The following TMEM108 variants were observed in gnomAD, a reference collection of about 807,000 sequenced individuals.
TMEM108 encodes cancer/testis antigen 124.
In TMEM108, 12 loss-of-function variants were observed where a neutral mutation model predicts 35.1. The ratio of observed to expected loss-of-function variants is 0.34; its 90% CI spans 0.22 to 0.55. TMEM108 has a LOEUF of 0.55. TMEM108 is among the 20% of genes least tolerant of loss of function. The pLI is 0.89. For synonymous variants in TMEM108, 287 were observed against 308.6 expected (o/e 0.93, Z 0.73); for missense variants, 680 against 753.3 (o/e 0.90, Z 1.14).
chr3:133,360,595 C>G (rs1307083053), intron 3 of TMEM108, among the ~76,000 whole-genome samples: 1 of 152,170 alleles, frequency 6.6e-6, no homozygotes, highest in African/African-American at 2.4e-5. Flanking sequence ...ACTAGTTCTG[C>G]AGAAGCAAAG....
chr3:133,070,072 A>T (rs778828616), intron 2 of TMEM108, among the ~76,000 whole-genome samples: 2 of 152,108 alleles, frequency 1.3e-5, no homozygotes, highest in Non-Finnish European at 1.5e-5. Flanking sequence ...GTCCATGAAG[A>T]CCCTAAACAG....
At chr3:133,328,922 C>G (rs563340624) in intron 3 of TMEM108, among the ~76,000 whole-genome samples, 210 of 152,246 alleles carry the variant, frequency 1.4e-3, no homozygotes, top group African/African-American at 4.8e-3. Context: ...ATTCACTGCT[C>G]TCTTTTCAGT....
chr3:133,238,885 A>G (rs557158706), intron 3 of TMEM108, among the ~76,000 whole-genome samples: 3 of 152,322 alleles, frequency 2.0e-5, no homozygotes, highest in Non-Finnish European at 4.4e-5. Flanking sequence ...CTGTATACAT[A>G]AGAGTCAGAG....
At chr3:133,100,142 A>G (rs774994080) in intron 2 of TMEM108, among the ~76,000 whole-genome samples, 3 of 152,192 alleles carry the variant, frequency 2.0e-5, no homozygotes, top group Non-Finnish European at 2.9e-5. Flanking sequence ...GCGGCGAGAG[A>G]AAAATGAGGA....
At chr3:133,334,154 G>A (rs1454531450) in intron 3 of TMEM108, among the ~76,000 whole-genome samples, 1 of 152,124 alleles carries the variant, frequency 6.6e-6, no homozygotes, top group East Asian at 1.9e-4. Context: ...TCTGCAAGTT[G>A]TTGAGTTAGA....
chr3:133,092,543 A>C (rs1046326683), intron 2 of TMEM108, among the ~76,000 whole-genome samples: 1 of 151,958 alleles, frequency 6.6e-6, no homozygotes. Context: ...TATTACTTTG[A>C]TTTTTAACCC....
chr3:133,370,871 AGT>A (rs71624013), intron 3 of TMEM108, among the ~76,000 whole-genome samples: 8,688 of 125,274 alleles, frequency 0.069, 312 homozygotes, highest in South Asian at 0.11. Context: ...CCCAGCCCAT[AGT>A]GTGTGTGTGT....
chr3:133,133,851 C>T (rs1409128875), intron 2 of TMEM108, among the ~76,000 whole-genome samples: 1 of 151,850 alleles, frequency 6.6e-6, no homozygotes, highest in Non-Finnish European at 1.5e-5. Flanking sequence ...GCAAACTCTG[C>T]CTCCCAGGTT....
chr3:133,340,557 C>G (rs1470820143), intron 3 of TMEM108, among the ~76,000 whole-genome samples: 1 of 151,618 alleles, frequency 6.6e-6, no homozygotes, highest in East Asian at 1.9e-4. Flanking sequence ...CTTCCGAACT[C>G]ATTCTATAAG....
intron 4 of TMEM108, 122 bp from the exon 5 acceptor site, chr3:133,390,058 C>T: frequency 8.3e-7 from 1 of 1,206,346 alleles, no homozygotes; most frequent in Non-Finnish European, 1.2e-6. Flanking sequence ...TTCACCATGC[C>T]CTGCCCCTTT....
At chr3:133,066,252 T>C (rs1367458795) in intron 2 of TMEM108, among the ~76,000 whole-genome samples, 1 of 152,142 alleles carries the variant, frequency 6.6e-6, no homozygotes, top group Non-Finnish European at 1.5e-5. Context: ...TATGAGCCTC[T>C]TTAGTGTTGT....
chr3:133,072,206 T>TCCC (rs1943684328), intron 2 of TMEM108, among the ~76,000 whole-genome samples: 1 of 152,114 alleles, frequency 6.6e-6, no homozygotes, highest in Non-Finnish European at 1.5e-5. Context: ...GGGAAAGAGA[T>TCCC]CCCTGCAAAT....
intron 3 of TMEM108, among the ~76,000 whole-genome samples, chr3:133,343,567 G>C (rs532879376): frequency 6.1e-4 from 92 of 151,990 alleles, no homozygotes; most frequent in Middle Eastern, 3.4e-3. Context: ...TTGCTGATTT[G>C]TGCAAAGACA....
intron 3 of TMEM108, among the ~76,000 whole-genome samples, chr3:133,372,703 T>C (rs2107819483): frequency 6.6e-6 from 1 of 152,370 alleles, no homozygotes; most frequent in South Asian, 2.1e-4. Flanking sequence ...CAGAGATGTC[T>C]GTAATCTACC....
intron 3 of TMEM108, among the ~76,000 whole-genome samples, chr3:133,335,832 G>A (rs1410042383): frequency 6.6e-6 from 1 of 152,146 alleles, no homozygotes; most frequent in Non-Finnish European, 1.5e-5. Flanking sequence ...CTGAATCACC[G>A]ATGGTACCCT....
At chr3:133,126,175 G>A (rs1944413308) in intron 2 of TMEM108, among the ~76,000 whole-genome samples, 1 of 151,938 alleles carries the variant, frequency 6.6e-6, no homozygotes, top group Non-Finnish European at 1.5e-5. Flanking sequence ...TTTTAAAAAA[G>A]TGATGTTCTG....
chr3:133,201,584 A>G (rs1256621482), intron 2 of TMEM108, among the ~76,000 whole-genome samples: 1 of 152,092 alleles, frequency 6.6e-6, no homozygotes. Flanking sequence ...GTTGGCTGAG[A>G]ATGATGGTTT....
intron 3 of TMEM108, among the ~76,000 whole-genome samples, chr3:133,267,666 G>A (rs1324354514): frequency 4.0e-5 from 6 of 150,718 alleles, no homozygotes; most frequent in African/African-American, 1.5e-4. Context: ...TATGATTATG[G>A]TTGTGGTCAA....
intron 3 of TMEM108, among the ~76,000 whole-genome samples, chr3:133,258,501 A>G (rs1347853912): frequency 7.2e-5 from 11 of 152,162 alleles, no homozygotes; most frequent in Non-Finnish European, 1.5e-4. Context: ...ATGGAAGTCC[A>G]AAGGAATTCC....
Sources: gnomAD v4.1 joint callset for allele counts (sites outside exome capture counted in the v4.1 genomes callset) on GRCh38, gnomAD v4.1.1 for gene constraint, MANE v1.5 for transcripts, NCBI Gene and HGNC (gene_info 2026-07-23, HGNC 2026-07-21) for gene names.